Variants in TCF12 observed in about 807,000 individuals in gnomAD.
TCF12 encodes DNA-binding protein HTF4.
Under a neutral mutation model 86.0 loss-of-function variants are expected in TCF12, and 45 were observed. That is an observed-to-expected ratio of 0.52 (90% CI 0.41 to 0.67). The LOEUF (loss-of-function observed/expected upper bound fraction) is 0.67, where lower values mean the gene tolerates loss of function less well. Ranked by LOEUF, TCF12 falls within the 30% of genes least tolerant of loss-of-function variation. The probability of loss-of-function intolerance (pLI) is 0.00; values close to 1 mark genes in which losing one functional copy is unlikely to be tolerated. For synonymous variants in TCF12, 330 were observed against 299.6 expected (o/e 1.10, Z -1.05); for missense variants, 881 against 859.9 (o/e 1.02, Z -0.31).
chr15:57,256,732 A>G (rs1049033863), intron 16 of TCF12, among the ~76,000 whole-genome samples: 1 of 152,216 alleles, frequency 6.6e-6, no homozygotes, highest in Admixed American at 6.5e-5. Context: ...GTACCACCAT[A>G]TAGAATTCAT....
At chr15:57,200,059 T>TG (rs2057461660) in intron 8 of TCF12, among the ~76,000 whole-genome samples, 1 of 150,724 alleles carries the variant, frequency 6.6e-6, no homozygotes, top group Admixed American at 6.6e-5. Context: ...TTTTTTTTTT[T>TG]TTGTAGAGAC....
chr15:56,961,688 A>T (rs1406428763), intron 3 of TCF12, among the ~76,000 whole-genome samples: 6 of 152,202 alleles, frequency 3.9e-5, no homozygotes, highest in Admixed American at 3.3e-4. Context: ...TTTAGATCTC[A>T]TACAGCATGG....
chr15:57,221,759 T>C (rs545817404), intron 8 of TCF12, among the ~76,000 whole-genome samples: 34 of 152,306 alleles, frequency 2.2e-4, no homozygotes, highest in African/African-American at 8.2e-4. Flanking sequence ...TTTACCCACC[T>C]CTAGTTTTTA....
At chr15:57,235,553 C>T (rs115397029) in intron 12 of TCF12, among the ~76,000 whole-genome samples, 1,653 of 152,232 alleles carry the variant, frequency 0.011, 26 homozygotes, top group African/African-American at 0.034. Flanking sequence ...AGAAAATTGT[C>T]TCACCCTTTT....
At chr15:57,187,223 A>G (rs2056725346) in intron 6 of TCF12, among the ~76,000 whole-genome samples, 1 of 152,016 alleles carries the variant, frequency 6.6e-6, no homozygotes, top group Non-Finnish European at 1.5e-5. Context: ...TTTCATGATG[A>G]TAACATTTAA....
intron 4 of TCF12, among the ~76,000 whole-genome samples, chr15:57,070,893 G>A (rs1306784570): frequency 2.0e-5 from 3 of 152,104 alleles, no homozygotes; most frequent in Non-Finnish European, 4.4e-5. Flanking sequence ...TGTATCTATG[G>A]GCAGAGGCAA....
chr15:57,187,406 T>C (rs2056734696), intron 6 of TCF12, among the ~76,000 whole-genome samples: 1 of 152,222 alleles, frequency 6.6e-6, no homozygotes, highest in Non-Finnish European at 1.5e-5. Context: ...CTGGAAATTC[T>C]AAACCAGGGG....
At chr15:57,216,563 T>TAAA (rs5812872) in intron 8 of TCF12, among the ~76,000 whole-genome samples, 4 of 129,070 alleles carry the variant, frequency 3.1e-5, no homozygotes, top group Admixed American at 7.9e-5. Context: ...CATGTTCCTT[T>TAAA]AAAAAAAAAA....
chr15:57,119,662 G>A (rs557143626), intron 5 of TCF12, among the ~76,000 whole-genome samples: 2 of 151,922 alleles, frequency 1.3e-5, no homozygotes, highest in South Asian at 4.2e-4. Context: ...TATGGATACT[G>A]TATACTTTGG....
At chr15:57,061,950 A>T (rs1341869637) in intron 3 of TCF12, among the ~76,000 whole-genome samples, 6 of 151,786 alleles carry the variant, frequency 4.0e-5, no homozygotes, top group African/African-American at 1.2e-4. Context: ...GAGAGATGGT[A>T]ACAGTGTTTT....
chr15:57,016,019 T>A (rs1383362453), intron 3 of TCF12, among the ~76,000 whole-genome samples: 2 of 152,182 alleles, frequency 1.3e-5, no homozygotes, highest in African/African-American at 4.8e-5. Flanking sequence ...TGCTGAGATT[T>A]CTCCAAAATC....
chr15:57,224,290 A>G lies in TCF12; in HGVS notation c.580-6862A>G, dbSNP rs139382584. On this transcript the variant is annotated intron_variant, in intron 8 of 20. Coordinates refer to ENST00000333725, the MANE Select transcript of TCF12 (RefSeq NM_207037.2). ...ATTGATTTGTTCAGTATATTATCCT[A>G]GCAAACAAGTTTCAAACCCTGTCCC... Among the ~76,000 whole-genome samples, 535 of 152,256 alleles carry G rather than the reference A, an allele frequency of 3.5e-3. 12 individuals are homozygous for G. Among genetic ancestry groups the G allele is most frequent in the Admixed American group, 0.029 (445 of 15,294 alleles).
At chr15:56,982,003 G>A (rs2062918228) in intron 3 of TCF12, among the ~76,000 whole-genome samples, 1 of 151,970 alleles carries the variant, frequency 6.6e-6, no homozygotes, top group Admixed American at 6.6e-5. Flanking sequence ...GCTTTTATTG[G>A]GGGAAAAAAA....
chr15:56,946,279 T>A (rs115534381), intron 3 of TCF12, among the ~76,000 whole-genome samples: 1,766 of 152,312 alleles, frequency 0.012, 32 homozygotes, highest in African/African-American at 0.04. Context: ...CTTAATTTTT[T>A]AAAATATTTT....
chr15:57,270,449 G>T (rs1351531218), intron 18 of TCF12, among the ~76,000 whole-genome samples: 1 of 152,116 alleles, frequency 6.6e-6, no homozygotes, highest in Non-Finnish European at 1.5e-5. Flanking sequence ...ATTCTATTTA[G>T]CCATTCGTCT....
intron 3 of TCF12, among the ~76,000 whole-genome samples, chr15:57,007,792 C>CTTTCTTTCTTTCTTTCTCTCTT (rs1567241669): frequency 1.9e-5 from 1 of 52,536 alleles, no homozygotes; most frequent in African/African-American, 5.2e-5. Flanking sequence ...CTTTCTTTCT[C>CTTTCTTTCTTTCTTTCTCTCTT]TCTTTCTTTC....
chr15:57,227,641 T>A (rs1333578892), intron 8 of TCF12, among the ~76,000 whole-genome samples: 1 of 152,064 alleles, frequency 6.6e-6, no homozygotes, highest in African/African-American at 2.4e-5. Context: ...AGGGGAGGTA[T>A]CTGTTAGATT....
At chr15:56,967,629 A>C (rs1287992924) in intron 3 of TCF12, among the ~76,000 whole-genome samples, 1 of 152,182 alleles carries the variant, frequency 6.6e-6, no homozygotes, top group African/African-American at 2.4e-5. Flanking sequence ...TATTAGTACA[A>C]ACCTAAAGGA....
chr15:56,984,293 T>TGTGTGTGTGA (rs1491300802), intron 3 of TCF12, among the ~76,000 whole-genome samples: 1 of 140,130 alleles, frequency 7.1e-6, no homozygotes, highest in Non-Finnish European at 1.6e-5. Flanking sequence ...TGTGTGTGTG[T>TGTGTGTGTGA]GAAGGGTGGA....
Sources: allele counts gnomAD v4.1 joint callset (sites outside exome capture counted in the v4.1 genomes callset), GRCh38; gene constraint gnomAD v4.1.1; transcripts MANE v1.5; gene names NCBI Gene and HGNC (gene_info 2026-07-23, HGNC 2026-07-21).